The following MAP3K5 variants were observed in gnomAD, a reference collection of about 807,000 sequenced individuals.
The protein encoded by MAP3K5 is ASK-1.
Under a neutral mutation model 158.7 loss-of-function variants are expected in MAP3K5, and 56 were observed. The ratio of observed to expected loss-of-function variants is 0.35; its 90% CI spans 0.28 to 0.44. The LOEUF is 0.44. Ranked by LOEUF, MAP3K5 falls within the 20% of genes least tolerant of loss-of-function variation. The pLI is 1.00. For missense variants in MAP3K5, 1,294 were observed against 1,674.8 expected (o/e 0.77, Z 3.97); for synonymous variants, 579 against 601.7 (o/e 0.96, Z 0.55).
intron 19 of MAP3K5, among the ~76,000 whole-genome samples, chr6:136,603,383 G>A (rs1775966985): frequency 6.7e-6 from 1 of 149,090 alleles, no homozygotes; most frequent in South Asian, 2.1e-4. Context: ...TCACCATGTT[G>A]GCCAGGCTGG....
At chr6:136,624,377 T>A (rs1776942921) in intron 14 of MAP3K5, among the ~76,000 whole-genome samples, 1 of 152,116 alleles carries the variant, frequency 6.6e-6, no homozygotes, top group South Asian at 2.1e-4. Flanking sequence ...CACAATAGAT[T>A]TTAACAGAAC....
At chr6:136,735,345 A>C (rs1190304743) in intron 1 of MAP3K5, among the ~76,000 whole-genome samples, 1 of 152,226 alleles carries the variant, frequency 6.6e-6, no homozygotes, top group Admixed American at 6.5e-5. Context: ...AAAGAGACTT[A>C]AGGAACATAG....
intron 7 of MAP3K5, among the ~76,000 whole-genome samples, chr6:136,688,072 T>C (rs1006269645): frequency 6.6e-6 from 1 of 152,164 alleles, no homozygotes; most frequent in Non-Finnish European, 1.5e-5. Flanking sequence ...ATATACACCA[T>C]GGAATAGTAT....
At chr6:136,597,985 T>A (rs1213620677) in intron 21 of MAP3K5, among the ~76,000 whole-genome samples, 1 of 152,214 alleles carries the variant, frequency 6.6e-6, no homozygotes, top group Non-Finnish European at 1.5e-5. Flanking sequence ...AAATGACATT[T>A]CTCTTACTGT....
intron 1 of MAP3K5, among the ~76,000 whole-genome samples, chr6:136,769,324 T>C (rs115386838): frequency 0.01 from 1,541 of 152,136 alleles, 29 homozygotes; most frequent in African/African-American, 0.035. Context: ...GACAGCAGAT[T>C]AGTGGTTGCC....
At chr6:136,634,835 G>T (rs1223661953) in intron 14 of MAP3K5, among the ~76,000 whole-genome samples, 1 of 151,744 alleles carries the variant, frequency 6.6e-6, no homozygotes, top group Non-Finnish European at 1.5e-5. Context: ...CCAATGTGCT[G>T]GGATTACAGG....
At chr6:136,683,336 G>A (rs2114604234) in intron 7 of MAP3K5, among the ~76,000 whole-genome samples, 1 of 152,328 alleles carries the variant, frequency 6.6e-6, no homozygotes, top group African/African-American at 2.4e-5. Flanking sequence ...GAAAGATACA[G>A]GAAAACATTG....
At chr6:136,742,794 A>C (rs536138617) in intron 1 of MAP3K5, among the ~76,000 whole-genome samples, 1 of 152,374 alleles carries the variant, frequency 6.6e-6, no homozygotes, top group African/African-American at 2.4e-5. Context: ...AGAATACTTA[A>C]AACTAAAAAA....
At chr6:136,637,675 T>C (rs564501554) in intron 13 of MAP3K5, among the ~76,000 whole-genome samples, 1 of 151,528 alleles carries the variant, frequency 6.6e-6, no homozygotes, top group Admixed American at 6.6e-5. Context: ...TTTTTTTTCT[T>C]CTAGAGACCA....
intron 25 of MAP3K5, among the ~76,000 whole-genome samples, chr6:136,570,573 C>T (rs1207586631): frequency 6.6e-6 from 1 of 152,154 alleles, no homozygotes; most frequent in African/African-American, 2.4e-5. Context: ...ATAACAAAAA[C>T]CAGAGTGTCC....
In MAP3K5 at chr6:136,569,238, C is replaced by T. The variant is rs780539653; in HGVS notation, c.3518-1364G>A. ...TTTCTCTGACATATTTTGGAACGGT[C>T]CTGCAAAGTCATCACTTGTGGGGGA... On this transcript the variant is annotated intron_variant, in intron 25 of 29. Transcript: ENST00000359015. 8.5e-5 allele frequency among the ~76,000 whole-genome samples: 13 copies of T among 152,306 alleles called. No homozygotes were observed. In the South Asian group the frequency reaches 1.5e-3, roughly 17 times the overall value.
At position 136,669,406 on chromosome 6, in the gene MAP3K5, C is replaced by T. The variant is rs745880319; in HGVS notation, c.1254-11G>A. On this transcript the variant is annotated splice_polypyrimidine_tract_variant and intron_variant, in intron 7 of 29. Coordinates refer to ENST00000359015, the MANE Select transcript of MAP3K5 (RefSeq NM_005923.4). ...AATGCCTTTTTGAACCTATAAAAAA[C>T]CACAAATGTACAAGTTAACTTTCTC... 10 of 1,471,984 alleles carry T rather than the reference C, an allele frequency of 6.8e-6. 1 individual carries two copies. The South Asian group carries it at 9.2e-5, about 13-fold the overall frequency. 91.2% of individuals were successfully genotyped at this position (1,471,984 alleles called of 1,614,324 possible).
intron 1 of MAP3K5, among the ~76,000 whole-genome samples, chr6:136,777,113 G>A (rs539420661): frequency 6.6e-6 from 1 of 152,306 alleles, no homozygotes; most frequent in East Asian, 1.9e-4. Context: ...AGCAAGAAAA[G>A]TCAAGCCAAC....
rs559892644 is a variant in MAP3K5 at position 136,731,264 on chromosome 6, T to C, written c.449-10675A>G. Among the ~76,000 whole-genome samples the C allele has an allele frequency of 2.4e-3, 367 of 152,326 alleles. 1 individual carries two copies. Among genetic ancestry groups the C allele is most frequent in the African/African-American group, 8.0e-3 (331 of 41,578 alleles). ...TTCTAACCGATCATTTTGCCCAGAA[T>C]GTTAAAAGAGAATTGCATTAGTTTC... On this transcript the variant is annotated intron_variant, in intron 1 of 29. Transcript: ENST00000359015.
chr6:136,707,780 T>A (rs1224858140), intron 2 of MAP3K5, among the ~76,000 whole-genome samples: 1 of 152,188 alleles, frequency 6.6e-6, no homozygotes, highest in East Asian at 1.9e-4. Flanking sequence ...GCACCATTTG[T>A]ACTAGTAAAG....
chr6:136,691,536 C>T (rs970579073), intron 7 of MAP3K5, among the ~76,000 whole-genome samples: 6 of 151,198 alleles, frequency 4.0e-5, no homozygotes, highest in Non-Finnish European at 7.4e-5. Flanking sequence ...GCTTGAACCC[C>T]GGAGGCAGAG....
At chr6:136,756,719 G>A (rs986102703) in intron 1 of MAP3K5, among the ~76,000 whole-genome samples, 1 of 152,202 alleles carries the variant, frequency 6.6e-6, no homozygotes, top group Admixed American at 6.5e-5. Flanking sequence ...AGGCCCTGCC[G>A]ATTCATCACA....
intron 20 of MAP3K5, among the ~76,000 whole-genome samples, chr6:136,601,269 A>T (rs963507066): frequency 2.0e-5 from 3 of 152,066 alleles, no homozygotes; most frequent in Non-Finnish European, 4.4e-5. Context: ...ATGTACTTAT[A>T]TTTTTACACT....
chr6:136,764,631 T>C (rs1371004980), intron 1 of MAP3K5, among the ~76,000 whole-genome samples: 1 of 152,198 alleles, frequency 6.6e-6, no homozygotes, highest in Non-Finnish European at 1.5e-5. Context: ...AGGTTGTTGT[T>C]TGAAGCCACT....
Sources: gnomAD v4.1 joint callset for allele counts (sites outside exome capture counted in the v4.1 genomes callset) on GRCh38, gnomAD v4.1.1 for gene constraint, MANE v1.5 for transcripts, NCBI Gene and HGNC (gene_info 2026-07-23, HGNC 2026-07-21) for gene names.